CLVS1: variants seen among roughly 807,000 people sequenced by gnomAD.
CLVS1 encodes the protein clavesin 1.
Under a neutral mutation model 33.1 loss-of-function variants are expected in CLVS1, and 10 were observed. The ratio of observed to expected loss-of-function variants is 0.30; its 90% CI spans 0.19 to 0.51. The LOEUF (loss-of-function observed/expected upper bound fraction) is 0.51. CLVS1 is among the 20% of genes least tolerant of loss of function. The pLI is 0.97. For missense variants in CLVS1, 343 were observed against 433.4 expected (o/e 0.79, Z 1.85); for synonymous variants, 163 against 166.1 (o/e 0.98, Z 0.14).
intron 2 of CLVS1, among the ~76,000 whole-genome samples, chr8:61,246,714 A>C (rs1188645368): frequency 6.6e-6 from 1 of 152,080 alleles, no homozygotes. Context: ...AAACTCTTCC[A>C]GTTTTTGTTT....
intron 5 of CLVS1, among the ~76,000 whole-genome samples, chr8:61,494,803 T>A (rs1804212274): frequency 6.6e-6 from 1 of 152,218 alleles, no homozygotes; most frequent in Non-Finnish European, 1.5e-5. Flanking sequence ...TCTAATTTTT[T>A]CCAGTGAATT....
chr8:61,467,243 A>G (rs2129607555), intron 5 of CLVS1, among the ~76,000 whole-genome samples: 2 of 152,346 alleles, frequency 1.3e-5, no homozygotes, highest in South Asian at 4.1e-4. Flanking sequence ...AGTGCTCATT[A>G]GATGCAACAC....
At chr8:61,438,987 T>C (rs1816443403) in intron 3 of CLVS1, among the ~76,000 whole-genome samples, 1 of 152,252 alleles carries the variant, frequency 6.6e-6, no homozygotes, top group South Asian at 2.1e-4. Flanking sequence ...TTTAAAATGT[T>C]ATTATACTTG....
chr8:61,038,809 G>T, the CLVS1 span, among the ~76,000 whole-genome samples: 1 of 152,098 alleles, frequency 6.6e-6, no homozygotes, highest in African/African-American at 2.4e-5. Flanking sequence ...TGAACCGAAG[G>T]TCCTTTTGTG....
chr8:61,098,395 G>A (rs1272263422), intron 1 of CLVS1, among the ~76,000 whole-genome samples: 2 of 118,950 alleles, frequency 1.7e-5, no homozygotes, highest in Non-Finnish European at 3.5e-5. Context: ...TCCCTTTTAG[G>A]GAAACTGATA....
At chr8:61,267,719 T>C (rs904569014) in intron 2 of CLVS1, among the ~76,000 whole-genome samples, 1 of 152,232 alleles carries the variant, frequency 6.6e-6, no homozygotes, top group Admixed American at 6.5e-5. Context: ...TAATCATGAC[T>C]GAGGTACATA....
upstream of CLVS1, among the ~76,000 whole-genome samples, chr8:61,053,846 T>C (rs369955192): frequency 5.9e-5 from 9 of 152,314 alleles, no homozygotes; most frequent in African/African-American, 2.2e-4. Context: ...TCTTGGCCAC[T>C]AGCAGACATC....
At chr8:61,232,037 T>TTG (rs1808452941) in intron 2 of CLVS1, among the ~76,000 whole-genome samples, 1 of 116,080 alleles carries the variant, frequency 8.6e-6, no homozygotes, top group East Asian at 2.3e-4. Flanking sequence ...TTTTTTTTTT[T>TTG]TTTTTTTTTT....
the CLVS1 span, among the ~76,000 whole-genome samples, chr8:60,976,113 C>G: frequency 7.4e-4 from 113 of 152,264 alleles, no homozygotes; most frequent in African/African-American, 2.4e-3. Context: ...GACCTTCTAG[C>G]TTTAAATTTT....
At chr8:61,469,652 C>A (rs900097646) in intron 5 of CLVS1, among the ~76,000 whole-genome samples, 1 of 152,116 alleles carries the variant, frequency 6.6e-6, no homozygotes, top group Non-Finnish European at 1.5e-5. Context: ...TCATTTCCAG[C>A]AGAGGTAATA....
Position 61,500,907 on chromosome 8 carries a change from CT to C in CLVS1, c.*1366del, listed in dbSNP as rs1259271609. 51 of 152,172 alleles carry C rather than the reference CT, an allele frequency of 3.4e-4. No individual in the cohort carries two copies. The highest frequency in any genetic ancestry group is 1.1e-3 in the African/African-American group (45 of 41,528). The allele number at this position is 152,172 out of a possible 1,614,324, so 9.4% of individuals were successfully genotyped here. A position where few individuals can be genotyped will look rare whatever the true frequency, so the allele number is the denominator to read the frequency against. ...ATTATTCAACTGGTCATAATCACCC[CT>C]GATAATATTATTACTAATCTTAATT... On this transcript the variant is annotated 3_prime_UTR_variant, in exon 6 of 6. Transcript: ENST00000325897.
chr8:61,392,805 T>C (rs1430722355), intron 3 of CLVS1, among the ~76,000 whole-genome samples: 1 of 150,802 alleles, frequency 6.6e-6, no homozygotes, highest in Non-Finnish European at 1.5e-5. Flanking sequence ...ATTGCACCAC[T>C]GCACTCCAGC....
At chr8:61,254,019 T>C (rs1045380379) in intron 2 of CLVS1, among the ~76,000 whole-genome samples, 5 of 152,242 alleles carry the variant, frequency 3.3e-5, no homozygotes, top group Non-Finnish European at 7.3e-5. Flanking sequence ...TTTTCAGTTT[T>C]TCTGCTTTGT....
chr8:61,196,843 C>T (rs979775780), intron 2 of CLVS1, among the ~76,000 whole-genome samples: 1 of 152,178 alleles, frequency 6.6e-6, no homozygotes, highest in Non-Finnish European at 1.5e-5. Context: ...TCTCAGTCTT[C>T]CTTGCAGCTA....
At chr8:61,145,858 C>G (rs980402652) in intron 2 of CLVS1, among the ~76,000 whole-genome samples, 1 of 152,170 alleles carries the variant, frequency 6.6e-6, no homozygotes, top group East Asian at 1.9e-4. Context: ...TTGATCTCAT[C>G]ATAATTCTGT....
chr8:61,468,857 C>T (rs1312003963), intron 5 of CLVS1, among the ~76,000 whole-genome samples: 1 of 152,100 alleles, frequency 6.6e-6, no homozygotes, highest in Non-Finnish European at 1.5e-5. Context: ...CACCGCTTAT[C>T]GGAATTCCAG....
chr8:61,024,291 G>A, the CLVS1 span, among the ~76,000 whole-genome samples: 1 of 152,082 alleles, frequency 6.6e-6, no homozygotes, highest in African/African-American at 2.4e-5. Flanking sequence ...TTCCATTTAC[G>A]CTTAATTTGA....
At chr8:61,401,868 T>C (rs970142718) in intron 3 of CLVS1, among the ~76,000 whole-genome samples, 3 of 152,172 alleles carry the variant, frequency 2.0e-5, no homozygotes, top group African/African-American at 7.2e-5. Context: ...TCAAAAAATA[T>C]GTAAATGCAC....
intron 2 of CLVS1, among the ~76,000 whole-genome samples, chr8:61,208,858 T>C (rs1807914746): frequency 6.6e-6 from 1 of 152,220 alleles, no homozygotes; most frequent in Non-Finnish European, 1.5e-5. Flanking sequence ...AGCACTGGGA[T>C]TACAGGTGTG....
Sources: allele counts gnomAD v4.1 joint callset (sites outside exome capture counted in the v4.1 genomes callset), GRCh38; gene constraint gnomAD v4.1.1; transcripts MANE v1.5; gene names NCBI Gene and HGNC (gene_info 2026-07-23, HGNC 2026-07-21).